HMCN1: variants seen among roughly 807,000 people sequenced by gnomAD.
HMCN1 encodes hemicentin 1.
A neutral mutation model predicts 625.9 loss-of-function variants in HMCN1; 321 were observed. The ratio of observed to expected loss-of-function variants is 0.51; its 90% confidence interval spans 0.47 to 0.56. The LOEUF (loss-of-function observed/expected upper bound fraction) is 0.56, where lower values mean the gene tolerates loss of function less well. HMCN1 is among the 20% of genes least tolerant of loss of function. HMCN1 has a pLI of 0.00. For missense variants in HMCN1, 6,588 were observed against 6,887.3 expected (o/e 0.96, Z 1.54); for synonymous variants, 2,425 against 2,417.6 (o/e 1.00, Z -0.09).
At chr1:185,993,032 G>A in intron 22 of HMCN1, 150 bp from the exon 23 acceptor site, 1 of 687,918 alleles carries the variant, frequency 1.5e-6, no homozygotes, top group East Asian at 2.7e-5. Flanking sequence ...GAAAAGTCCT[G>A]GCTTTTAAGA....
At chr1:185,978,759 C>A (rs967129951) in intron 16 of HMCN1, among the ~76,000 whole-genome samples, 2 of 152,078 alleles carry the variant, frequency 1.3e-5, no homozygotes, top group Non-Finnish European at 1.5e-5. Flanking sequence ...TGGCTCACTG[C>A]AAACTCCACC....
At chr1:186,054,831 G>A (rs1657205399) in intron 44 of HMCN1, among the ~76,000 whole-genome samples, 1 of 151,894 alleles carries the variant, frequency 6.6e-6, no homozygotes, top group Non-Finnish European at 1.5e-5. Context: ...CAAGAGTAAG[G>A]GAAAGGGCTG....
At chr1:186,098,813 T>C (rs1467479756) in intron 68 of HMCN1, among the ~76,000 whole-genome samples, 1 of 152,148 alleles carries the variant, frequency 6.6e-6, no homozygotes, top group Non-Finnish European at 1.5e-5. Flanking sequence ...GACAATGTAG[T>C]AGATATACAC....
intron 35 of HMCN1, among the ~76,000 whole-genome samples, chr1:186,022,083 C>T (rs12070540): frequency 1.6e-4 from 25 of 152,070 alleles, no homozygotes; most frequent in African/African-American, 5.5e-4. Context: ...AATATATGAG[C>T]TTAATTTTGT....
In HMCN1 at chr1:186,076,501, T is replaced by C. The variant is rs150937826; in HGVS notation, c.8364T>C (p.Asp2788=). ...LDTGRNGEAK[D]VIINNPISLY... Reference sequence around the variant, plus strand: ...CTGGCAGGAATGGTGAAGCCAAAGATGTGATCATCAACAATCCCATTTCTC... The same window carrying C: ...CTGGCAGGAATGGTGAAGCCAAAGACGTGATCATCAACAATCCCATTTCTC... The change falls in exon 54 of 107, where the codon GAT becomes GAC. Residue 2788 remains aspartate (D), a synonymous_variant. Coordinates refer to ENST00000271588, the MANE Select transcript of HMCN1 (RefSeq NM_031935.3). 6.8e-6 allele frequency: 11 copies of C among 1,613,666 alleles called. No homozygotes were observed. The highest frequency in any genetic ancestry group is 9.3e-6 in the Non-Finnish European group (11 of 1,179,840).
chr1:185,817,375 A>G (rs950555850), intron 1 of HMCN1, among the ~76,000 whole-genome samples: 8 of 151,988 alleles, frequency 5.3e-5, no homozygotes, highest in African/African-American at 1.9e-4. Flanking sequence ...GGACAGTTGG[A>G]GCAAAGACAG....
At chr1:185,904,267 G>A (rs1405270583) in intron 4 of HMCN1, among the ~76,000 whole-genome samples, 1 of 151,814 alleles carries the variant, frequency 6.6e-6, no homozygotes, top group Non-Finnish European at 1.5e-5. Context: ...GGCTCTTCTG[G>A]TTATCCAGAG....
intron 55 of HMCN1, among the ~76,000 whole-genome samples, chr1:186,079,392 G>A (rs575169067): frequency 2.0e-5 from 3 of 152,210 alleles, no homozygotes; most frequent in East Asian, 1.9e-4. Flanking sequence ...CTGGGCACAC[G>A]CAAGCCATGT....
intron 30 of HMCN1, among the ~76,000 whole-genome samples, chr1:186,013,498 T>G (rs1281176933): frequency 6.6e-6 from 1 of 152,112 alleles, no homozygotes; most frequent in African/African-American, 2.4e-5. Flanking sequence ...TATGGACTAG[T>G]TCTAAGAATG....
intron 2 of HMCN1, among the ~76,000 whole-genome samples, chr1:185,861,305 T>C (rs1662852715): frequency 1.3e-5 from 2 of 152,216 alleles, no homozygotes; most frequent in Non-Finnish European, 2.9e-5. Flanking sequence ...GTTTGGCCCA[T>C]AGACAGAAAA....
rs776407373 is a variant in HMCN1 at position 186,151,389 on chromosome 1, A to G, written c.14758+40A>G. The G allele has an allele frequency of 7.1e-6, 11 of 1,554,476 alleles. No homozygotes were observed. The African/African-American group carries it at 1.1e-4, about 15-fold the overall frequency. On this transcript the variant is annotated intron_variant, in intron 94 of 106. Transcript: ENST00000271588. The stretch of plus-strand genomic sequence containing the variant: ...CAAGCCTCTTTTTAAAAACTTATAT[A>G]TTATTCTTCATCTTATTACTTCCAT...
chr1:186,145,286 T>G, intron 91 of HMCN1, 117 bp from the exon 92 acceptor site: 3 of 1,021,088 alleles, frequency 2.9e-6, no homozygotes, highest in Non-Finnish European at 4.2e-6. Context: ...GACTTGCATG[T>G]TTTGTTTTAG....
intron 73 of HMCN1, 62 bp from the exon 74 acceptor site, chr1:186,114,757 T>C: frequency 6.3e-7 from 1 of 1,595,512 alleles, no homozygotes; most frequent in South Asian, 1.1e-5. Flanking sequence ...TTTCCCTCAG[T>C]CAAAATATGA....
chr1:185,791,816 C>T (rs1320968775), intron 1 of HMCN1, among the ~76,000 whole-genome samples: 2 of 152,162 alleles, frequency 1.3e-5, no homozygotes, highest in Non-Finnish European at 2.9e-5. Flanking sequence ...TTATTTTTAA[C>T]ACCTTATAAA....
intron 1 of HMCN1, among the ~76,000 whole-genome samples, chr1:185,837,403 T>A (rs1347254401): frequency 6.6e-6 from 1 of 152,088 alleles, no homozygotes; most frequent in Non-Finnish European, 1.5e-5. Flanking sequence ...GCTATCTTTT[T>A]TTAGAGTTTT....
At chr1:185,784,352 C>T (rs1159598695) in intron 1 of HMCN1, among the ~76,000 whole-genome samples, 1 of 152,128 alleles carries the variant, frequency 6.6e-6, no homozygotes, top group Admixed American at 6.5e-5. Flanking sequence ...GGGCTGCACC[C>T]ACTGTCCTGT....
At chr1:186,036,811 C>T (rs896656646) in intron 36 of HMCN1, among the ~76,000 whole-genome samples, 5 of 151,866 alleles carry the variant, frequency 3.3e-5, no homozygotes, top group African/African-American at 9.7e-5. Flanking sequence ...AGGCTGGTCT[C>T]AAACTCCTGA....
Position 185,925,051 on chromosome 1 carries a change from T to A in HMCN1, c.1290T>A (p.Ala430=). The part of the protein sequence containing the change: ...SVSFSSIVPD[A]PKVTMPEKTP... The stretch of plus-strand genomic sequence containing the variant: ...TGTTTTTGTTTTTTTTCCTAGATGC[T>A]CCCAAAGTTACGATGCCTGAGAAAA... The change falls in exon 9 of 107, where the codon GCT becomes GCA. Residue 430 remains alanine (A), a synonymous_variant. Coordinates refer to ENST00000271588, the MANE Select transcript of HMCN1 (RefSeq NM_031935.3). 1 of 1,610,722 alleles carries A rather than the reference T, an allele frequency of 6.2e-7. No homozygotes were observed. The highest frequency in any genetic ancestry group is 1.7e-5 in the Admixed American group (1 of 59,560).
chr1:186,035,212 C>T (rs946349278), intron 36 of HMCN1, among the ~76,000 whole-genome samples: 53 of 152,048 alleles, frequency 3.5e-4, no homozygotes, highest in Non-Finnish European at 1.0e-4. Flanking sequence ...ACATTCTAGG[C>T]ATTTCAAACA....
Sources: allele counts gnomAD v4.1 joint callset (sites outside exome capture counted in the v4.1 genomes callset), GRCh38; gene constraint gnomAD v4.1.1; transcripts MANE v1.5; gene names NCBI Gene and HGNC (gene_info 2026-07-23, HGNC 2026-07-21).